Variants in VWA7 observed in about 807,000 individuals in gnomAD.
VWA7 encodes the protein von Willebrand factor A domain containing 7, also known as von Willebrand factor A domain-containing protein 7.
A neutral mutation model predicts 83.1 loss-of-function variants in VWA7; 66 were observed. That is an observed-to-expected ratio of 0.79 (90% confidence interval 0.65 to 0.98). The LOEUF is 0.98. VWA7 is among the 50% of genes least tolerant of loss of function. VWA7 has a pLI of 0.00. For synonymous variants in VWA7, 424 were observed against 488.5 expected (o/e 0.87, Z 1.74); for missense variants, 1,080 against 1,160.2 (o/e 0.93, Z 1.00).
chr6:31,766,422 ACT>A lies in VWA7; in HGVS notation c.2184+39_2185-39del. On this transcript the variant is annotated intron_variant, in intron 14 of 16. Coordinates refer to ENST00000375688, the MANE Select transcript of VWA7 (RefSeq NM_025258.3). This position sits in a 1 kb window ranked among gnomAD's most constrained non-coding sequence, Gnocchi z 4.9. ...GTTCTTCAGGGAAGGGGCCGCTCTAACTCTCTCCAGCCCCAGCCGCACTTTCC... is the reference window on the plus strand; with the variant it reads ...GTTCTTCAGGGAAGGGGCCGCTCTAACTCTCCAGCCCCAGCCGCACTTTCC... 1.3e-6 allele frequency: 2 copies of A among 1,578,274 alleles called. No homozygotes were observed. The highest frequency in any genetic ancestry group is 1.7e-6 in the Non-Finnish European group (2 of 1,162,302).
rs1428211123 is a variant in VWA7 at position 31,775,396 on chromosome 6, C to G, written c.547G>C (p.Gly183Arg). Residue 183 changes from glycine (G) to arginine (R), a missense_variant, in exon 4 of 17, where the codon GGC becomes CGC. Physicochemically the swap from Gly to Arg is moderately radical, Grantham distance 125 (BLOSUM62 -2). Transcript: ENST00000375688. This position sits in a 1 kb window ranked among gnomAD's most constrained non-coding sequence, Gnocchi z 5.9. Reference sequence around the variant, plus strand: ...AGGTGAGGGTGTGGCTGCTGCTCGCCCAGCTCCACCCAGTTGCTATGACTG... The same window carrying G: ...AGGTGAGGGTGTGGCTGCTGCTCGCGCAGCTCCACCCAGTTGCTATGACTG... ...FYSHSNWVELGEQQPHPHLLW... is the reference protein window; with the variant it reads ...FYSHSNWVELREQQPHPHLLW... 19 of 1,612,392 alleles carry G rather than the reference C, an allele frequency of 1.2e-5. No homozygotes were observed. Among genetic ancestry groups the G allele is most frequent in the Non-Finnish European group, 1.6e-5 (19 of 1,179,696 alleles).
chr6:31,776,099 C>T lies in VWA7; in HGVS notation c.378G>A (p.Leu126=). ...GACCCAGTCGCTCAGCATCAAAGTG[C>T]AGGTCGGGGTCATTCCTGGAAGTTG... ...FLPTSRNDPD[L]HFDAERLGQG... is the part of the protein sequence containing the mutation. Residue 126 remains leucine (L), a synonymous_variant, in exon 3 of 17, where the codon CTG becomes CTA. Transcript: ENST00000375688. This position sits in a 1 kb window ranked among gnomAD's most constrained non-coding sequence, Gnocchi z 6.2. 2 of 1,614,034 alleles carry T rather than the reference C, an allele frequency of 1.2e-6. No individual in the cohort carries two copies. The highest frequency in any genetic ancestry group is 8.5e-7 in the Non-Finnish European group (1 of 1,180,034).
At chr6:31,767,109 T>TA in intron 13 of VWA7, 49 bp downstream of exon 13, 1 of 428,456 alleles carries the variant, frequency 2.3e-6, no homozygotes, top group Non-Finnish European at 4.2e-6. Context: ...TTTATATATA[T>TA]ATATAAAACT....
Position 31,767,409 on chromosome 6 carries a change from C to CT in VWA7, c.1741_1742insA (p.Trp581Ter). ...TMDDPPQTGT[W>*]EIQVTAEDTP... Reference sequence around the variant, plus strand: ...GTCCTCAGCTGTGACCTGGATCTCCCAGGTTCCTGTCTGTGGAGGGTCATC... The same window carrying CT: ...GTCCTCAGCTGTGACCTGGATCTCCCTAGGTTCCTGTCTGTGGAGGGTCATC... Residue 581 changes from tryptophan to a stop codon, truncating the protein, a stop_gained and frameshift_variant, in exon 12 of 17, where the codon TGG becomes TAGG. Coordinates refer to ENST00000375688, the MANE Select transcript of VWA7 (RefSeq NM_025258.3). LOFTEE classifies it high-confidence loss of function. 1 of 1,613,164 alleles carries CT rather than the reference C, an allele frequency of 6.2e-7. No individual in the cohort carries two copies. Among genetic ancestry groups the CT allele is most frequent in the Non-Finnish European group, 8.5e-7 (1 of 1,179,934 alleles).
In VWA7 at chr6:31,773,381, C is replaced by G; in HGVS notation, c.778G>C (p.Gly260Arg). The stretch of plus-strand genomic sequence containing the variant: ...GGGGATGTGCTGTCCTTGTTGATGC[C>G]TCCCCTCGGTGGCTGGGAGCTGCTC... ...DRSSSQPPRG[G>R]INKDSTSPGF... Residue 260 changes from glycine (G) to arginine (R), a missense_variant, in exon 6 of 17, where the codon GGC becomes CGC. By Grantham distance (125) the Gly-to-Arg change is moderately radical (BLOSUM62 -2). Coordinates refer to ENST00000375688, the MANE Select transcript of VWA7 (RefSeq NM_025258.3). The surrounding 1 kb of genome is among the most constrained non-coding windows in gnomAD (Gnocchi z 5.3). 1 of 1,606,862 alleles carries G rather than the reference C, an allele frequency of 6.2e-7. No individual in the cohort carries two copies. Among genetic ancestry groups the G allele is most frequent in the Non-Finnish European group, 8.5e-7 (1 of 1,176,982 alleles).
Position 31,776,409 on chromosome 6 carries a change from C to A in VWA7, c.234+137G>T. On this transcript the variant is annotated intron_variant, in intron 2 of 16. Transcript: ENST00000375688. The surrounding 1 kb of genome is among the most constrained non-coding windows in gnomAD (Gnocchi z 6.2). ...GGAGGGGGACTCCTAATTTCAGGAC[C>A]AAGACTACTGGGTATTATTGCTGCA... is the stretch of plus-strand genomic sequence containing the variant. 2 of 1,241,684 alleles carry A rather than the reference C, an allele frequency of 1.6e-6. No homozygotes were observed. The highest frequency in any genetic ancestry group is 2.2e-6 in the Non-Finnish European group (2 of 910,992). 76.9% of individuals were successfully genotyped at this position (1,241,684 alleles called of 1,614,324 possible).
At position 31,766,467 on chromosome 6, in the gene VWA7, A is replaced by C; in HGVS notation, c.2180T>G (p.Leu727Arg). The change falls in exon 14 of 17, where the codon CTG becomes CGG. Residue 727 changes from leucine to arginine, a missense_variant. By Grantham distance (102) the Leu-to-Arg change is moderately radical. Coordinates refer to ENST00000375688, the MANE Select transcript of VWA7 (RefSeq NM_025258.3). The surrounding 1 kb of genome is among the most constrained non-coding windows in gnomAD (Gnocchi z 4.9). ...CACTTTCCCCTGGCGTCTCACCTCC[A>C]GAAGGACAGGGACTACAGTGCTAGG... ...PQPSTVVPVL[L>R]ELSGPSGFLA... 1 of 1,594,040 alleles carries C rather than the reference A, an allele frequency of 6.3e-7. No homozygotes were observed. Among genetic ancestry groups the C allele is most frequent in the Non-Finnish European group, 8.6e-7 (1 of 1,169,434 alleles).
chr6:31,769,812 C>G lies in VWA7; in HGVS notation c.1201-21G>C, dbSNP rs371384700. ...GCCAGCTGGCAGGGAAGGCAACGAC[C>G]AGTGTTAACAATGGCAGTAGGAGGG... On this transcript the variant is annotated intron_variant, in intron 8 of 16. Transcript: ENST00000375688. The surrounding 1 kb of genome is among the most constrained non-coding windows in gnomAD (Gnocchi z 4.5). 5.6e-4 allele frequency: 905 copies of G among 1,605,256 alleles called. 1 individual carries two copies. The highest frequency in any genetic ancestry group is 7.3e-4 in the Non-Finnish European group (861 of 1,173,076).
rs929764604 is a variant in VWA7, at chr6:31,772,846, G to A, written c.1087+108C>T. The A allele has an allele frequency of 2.3e-5, 31 of 1,363,342 alleles. No homozygotes were observed. The East Asian group carries it at 6.5e-4, about 28-fold the overall frequency. The allele number at this position is 1,363,342 out of a possible 1,614,324, so 84.5% of individuals were successfully genotyped here. ...ACTCCCGACCTCAGGTGATCCACCT[G>A]CCTCAGCCTCCCAAAGTGCTGGGAT... On this transcript the variant is annotated intron_variant, in intron 7 of 16. Transcript: ENST00000375688.
At position 31,767,030 on chromosome 6, in the gene VWA7, T is replaced by G. The variant is rs969332404; in HGVS notation, c.1882+128A>C. On this transcript the variant is annotated intron_variant, in intron 13 of 16. Transcript: ENST00000375688. ...AAATTATAACTCAATATAAAAGTTA[T>G]GCATATGCACAGATGTATGTATACA... is the stretch of plus-strand genomic sequence containing the variant. 33 of 464,668 alleles carry G rather than the reference T, an allele frequency of 7.1e-5. 2 individuals carry two copies. The highest frequency in any genetic ancestry group is 3.1e-4 in the East Asian group (9 of 29,470). The allele number at this position is 464,668 out of a possible 1,614,324, so 28.8% of individuals were successfully genotyped here.
Position 31,767,364 on chromosome 6 carries a change from T to G in VWA7, c.1787A>C (p.Gln596Pro). Residue 596 changes from glutamine to proline, a missense_variant and splice_region_variant, in exon 12 of 17, where the codon CAA (glutamine) becomes CCA (proline). Physicochemically the swap from Gln to Pro is moderately conservative, Grantham distance 76. Coordinates refer to ENST00000375688, the MANE Select transcript of VWA7 (RefSeq NM_025258.3). ...TAEDTPGVRV[Q>P]AQTSLDFLFH... is the part of the protein sequence containing the mutation. ...CCCAGGAACACCTCCCTCCTTACCT[T>G]GCACTCTCACCCCAGGGGTGTCCTC... 1 of 1,612,938 alleles carries G rather than the reference T, an allele frequency of 6.2e-7. No homozygotes were observed. The highest frequency in any genetic ancestry group is 8.5e-7 in the Non-Finnish European group (1 of 1,179,450).
rs1812694929 is a variant in VWA7 at position 31,776,427 on chromosome 6, T to C, written c.234+119A>G. 8.2e-7 allele frequency: 1 copy of C among 1,223,850 alleles called. No individual in the cohort carries two copies. Among genetic ancestry groups the C allele is most frequent in the South Asian group, 1.5e-5 (1 of 64,784 alleles). 75.8% of individuals were successfully genotyped at this position (1,223,850 alleles called of 1,614,324 possible). ...TCAGGACCAAGACTACTGGGTATTA[T>C]TGCTGCAGGGGTGGGGCCATGGGTG... On this transcript the variant is annotated intron_variant, in intron 2 of 16. Transcript: ENST00000375688. This position sits in a 1 kb window ranked among gnomAD's most constrained non-coding sequence, Gnocchi z 6.2.
At position 31,766,672 on chromosome 6, in the gene VWA7, G is replaced by A. The variant is rs1404209475; in HGVS notation, c.1975C>T (p.Arg659Ter). Reference protein sequence around the residue: ...PQPHFSHVILRGVPEGAELGQ... With the variant: ...PQPHFSHVIL Reference sequence around the variant, plus strand: ...AGTTCGGCACCCTCTGGGACCCCTCGAAGGATGACGTGGGAGAAATGCGGC... The same window carrying A: ...AGTTCGGCACCCTCTGGGACCCCTCAAAGGATGACGTGGGAGAAATGCGGC... Residue 659 changes from arginine to a stop codon, truncating the protein, a stop_gained, in exon 14 of 17, where the codon CGA becomes TGA. Transcript: ENST00000375688. LOFTEE classifies it high-confidence loss of function. This position sits in a 1 kb window ranked among gnomAD's most constrained non-coding sequence, Gnocchi z 4.9. 2 of 1,612,766 alleles carry A rather than the reference G, an allele frequency of 1.2e-6. No individual in the cohort carries two copies. Among genetic ancestry groups the A allele is most frequent in the Non-Finnish European group, 1.7e-6 (2 of 1,179,880 alleles).
Position 31,765,647 on chromosome 6 carries a change from A to AGGGGCTGCCCGCAGCC in VWA7, c.2607_2622dup (p.Trp875GlyfsTer?), listed in dbSNP as rs1415201098. On this transcript the variant is annotated frameshift_variant, in exon 17 of 17. Transcript: ENST00000375688. LOFTEE classifies it high-confidence loss of function. ...AGCACCCCTCCAACTGTGCCCCACCAGGGGCTGCCCGCAGCCAGCCCTGCC... is the reference window on the plus strand; with the variant it reads ...AGCACCCCTCCAACTGTGCCCCACCAGGGGCTGCCCGCAGCCGGGGCTGCCCGCAGCCAGCCCTGCC... The AGGGGCTGCCCGCAGCC allele has an allele frequency of 1.2e-6, 2 of 1,609,464 alleles. No individual in the cohort carries two copies. The highest frequency in any genetic ancestry group is 1.7e-6 in the Non-Finnish European group (2 of 1,178,670).
intron 7 of VWA7, 44 bp from the exon 8 acceptor site, chr6:31,770,157 C>A: frequency 6.5e-7 from 1 of 1,539,352 alleles, no homozygotes; most frequent in Non-Finnish European, 8.9e-7. Context: ...GAAAGAGCTC[C>A]CCTCATTCTT....
chr6:31,771,513 G>A (rs771992428), intron 7 of VWA7: 1 of 152,216 alleles, frequency 6.6e-6, no homozygotes, highest in Non-Finnish European at 1.5e-5. Context: ...TACAGATGAT[G>A]AAATCGAGGC....
rs1371227908 is a variant in VWA7 at position 31,766,396 on chromosome 6, G to A, written c.2185-12C>T. On this transcript the variant is annotated splice_polypyrimidine_tract_variant and intron_variant, in intron 14 of 16. Transcript: ENST00000375688. This position sits in a 1 kb window ranked among gnomAD's most constrained non-coding sequence, Gnocchi z 4.9. ...GAGGGGCCACTAAGCTGCAGAGAAG[G>A]GTTCTTCAGGGAAGGGGCCGCTCTA... 1 of 1,588,766 alleles carries A rather than the reference G, an allele frequency of 6.3e-7. No individual in the cohort carries two copies. The highest frequency in any genetic ancestry group is 1.3e-5 in the African/African-American group (1 of 74,816).
In VWA7 at chr6:31,773,022, A is replaced by T; in HGVS notation, c.1019T>A (p.Leu340His). The T allele has an allele frequency of 6.2e-7, 1 of 1,605,406 alleles. No homozygotes were observed. Among genetic ancestry groups the T allele is most frequent in the Non-Finnish European group, 8.5e-7 (1 of 1,174,938 alleles). The part of the protein sequence containing the change: ...INAAKIQARH[L>H]VEQRRGSPME... Reference sequence around the variant, plus strand: ...GGGGCTGCCTCTCCGCTGCTCCACAAGGTGGCGAGCCTGGATTTTGGCAGC... The same window carrying T: ...GGGGCTGCCTCTCCGCTGCTCCACATGGTGGCGAGCCTGGATTTTGGCAGC... The change falls in exon 7 of 17, where the codon CTT (leucine) becomes CAT (histidine). Residue 340 changes from leucine (L) to histidine (H), a missense_variant. Transcript: ENST00000375688. This position sits in a 1 kb window ranked among gnomAD's most constrained non-coding sequence, Gnocchi z 5.3.
At position 31,767,505 on chromosome 6, in the gene VWA7, T is replaced by C. The variant is rs1204651325; in HGVS notation, c.1646A>G (p.Gln549Arg). 1.9e-6 allele frequency: 3 copies of C among 1,610,588 alleles called. No homozygotes were observed. Among genetic ancestry groups the C allele is most frequent in the Non-Finnish European group, 2.5e-6 (3 of 1,177,598 alleles). The change falls in exon 12 of 17, where the codon CAG becomes CGG. Residue 549 changes from glutamine to arginine, a missense_variant. Coordinates refer to ENST00000375688, the MANE Select transcript of VWA7 (RefSeq NM_025258.3). ...FWIKNPAGVS[Q>R]GQEEGGGPLG... The stretch of plus-strand genomic sequence containing the variant: ...AGGACCCCCGCCTTCCTCCTGGCCC[T>C]GGGAGACCCCTGGGGTCAGGGAAGA...
Sources: allele counts gnomAD v4.1 joint callset, GRCh38; gene constraint gnomAD v4.1.1; non-coding constraint Gnocchi (gnomAD v3.1); transcripts MANE v1.5; gene names NCBI Gene and HGNC (gene_info 2026-07-23, HGNC 2026-07-21).